GALNT14: variants seen among roughly 807,000 people sequenced by gnomAD.
GALNT14 encodes UDP-GalNAc:polypeptide N-acetylgalactosaminyltransferase 14.
A neutral mutation model predicts 77.5 loss-of-function variants in GALNT14; 60 were observed. The ratio of observed to expected loss-of-function variants is 0.77; its 90% CI spans 0.63 to 0.96. The LOEUF is 0.96. Among genes scored for constraint, GALNT14 ranks in the 40% least tolerant of loss-of-function variants. The pLI, the probability that GALNT14 is intolerant of heterozygous loss-of-function variation, is 0.00. For synonymous variants in GALNT14, 280 were observed against 281.7 expected, an observed-to-expected ratio of 0.99 and a Z score of 0.06; for missense variants, 710 against 731.0, an observed-to-expected ratio of 0.97 and a Z score of 0.33.
rs199792871 is a variant in GALNT14, at chr2:30,944,889, C to G, written c.796G>C (p.Ala266Pro). The change falls in exon 8 of 15, where the codon GCT (alanine) becomes CCT (proline). Residue 266 changes from alanine (A) to proline (P), a missense_variant. Transcript: ENST00000349752. ...GGCTCCGTGGGGTCCAGGCGCCGAG[C>G]CTTCTGCTCTGGGGAGAGCTGCTCC... The part of the protein sequence containing the change: ...QWEQLSPEQK[A>P]RRLDPTEPIR... 1.5e-5 allele frequency: 24 copies of G among 1,610,748 alleles called. No homozygotes were observed. The East Asian group carries it at 5.4e-4, about 36-fold the overall frequency.
At chr2:30,906,752 A>G (rs968110330), downstream of GALNT14, among the ~76,000 whole-genome samples, 1 of 152,212 alleles carries the variant, frequency 6.6e-6, no homozygotes, top group Non-Finnish European at 1.5e-5. Flanking sequence ...TCAACAGAAT[A>G]TACATTTTTT....
At chr2:30,946,063 C>T (rs535685652) in intron 6 of GALNT14, among the ~76,000 whole-genome samples, 193 bp from the exon 7 acceptor site, 4 of 152,224 alleles carry the variant, frequency 2.6e-5, no homozygotes, top group East Asian at 1.9e-4. Context: ...AGTTCTGATG[C>T]CTAAAATGCT....
chr2:31,084,260 A>G (rs1676301527), intron 1 of GALNT14, among the ~76,000 whole-genome samples: 1 of 152,218 alleles, frequency 6.6e-6, no homozygotes, highest in African/African-American at 2.4e-5. Flanking sequence ...AAGAGAGGTA[A>G]GCCTGGTCAA....
At chr2:31,135,743 G>T (rs1346193105) in intron 1 of GALNT14, among the ~76,000 whole-genome samples, 1 of 152,168 alleles carries the variant, frequency 6.6e-6, no homozygotes, top group African/African-American at 2.4e-5. Flanking sequence ...CCACTCATTT[G>T]TTGGTAATTC....
At position 30,911,044 on chromosome 2, in the gene GALNT14, C is replaced by A. The variant is rs1664329727; in HGVS notation, c.1516G>T (p.Gly506Cys). Residue 506 changes from glycine to cysteine, a missense_variant, in exon 15 of 15, where the codon GGT becomes TGT. Coordinates refer to ENST00000349752, the MANE Select transcript of GALNT14 (RefSeq NM_024572.4). ...GATGCTATGTGCTCGATGTGGGAAC[C>A]AGTTTTGGTCCATTGCTGGTAAGAC... ...GDDRQQWTKT[G>C]SHIEHIASHL... The A allele has an allele frequency of 6.2e-7, 1 of 1,613,682 alleles. No individual in the cohort carries two copies. Among genetic ancestry groups the A allele is most frequent in the Non-Finnish European group, 8.5e-7 (1 of 1,179,908 alleles).
chr2:30,996,687 G>A (rs760396472), intron 1 of GALNT14, among the ~76,000 whole-genome samples: 2 of 152,268 alleles, frequency 1.3e-5, no homozygotes, highest in African/African-American at 2.4e-5. Context: ...ACCATGTGCT[G>A]TGAGCTCTCC....
In GALNT14 at chr2:30,992,938, A is replaced by G; in HGVS notation, c.199T>C (p.Trp67Arg). ...DERRYLNAKK[W>R]RVGDDPYKLY... ...TTATAGGGGTCGTCACCAACGCGCC[A>G]CTTTTTGGCATTCAGATACCGCCGC... is the stretch of plus-strand genomic sequence containing the variant. The change falls in exon 2 of 15, where the codon TGG becomes CGG. Residue 67 changes from tryptophan (W) to arginine (R), a missense_variant. By Grantham distance (101) the Trp-to-Arg change is moderately radical (BLOSUM62 -3). Transcript: ENST00000349752. 6.2e-7 allele frequency: 1 copy of G among 1,614,128 alleles called. No individual in the cohort carries two copies. The highest frequency in any genetic ancestry group is 8.5e-7 in the Non-Finnish European group (1 of 1,180,010).
chr2:31,117,249 GCTC>G (rs1678154160), intron 1 of GALNT14, among the ~76,000 whole-genome samples: 1 of 152,086 alleles, frequency 6.6e-6, no homozygotes. Context: ...TGAGAAACAT[GCTC>G]CTACCTGAGT....
the GALNT14 span, among the ~76,000 whole-genome samples, chr2:30,899,863 G>A: frequency 7.0e-4 from 106 of 152,312 alleles, 1 homozygote; most frequent in African/African-American, 2.4e-3. Context: ...TGGATGATGC[G>A]GGAAAAGAGG....
downstream of GALNT14, among the ~76,000 whole-genome samples, chr2:30,905,473 G>A (rs548486090): frequency 6.6e-6 from 1 of 152,026 alleles, no homozygotes. Flanking sequence ...GATGGAAAAT[G>A]AAATGAATGA....
chr2:31,035,552 AATGTGTGTGTGTGTGT>A (rs1161986020), intron 1 of GALNT14, among the ~76,000 whole-genome samples: 3 of 103,290 alleles, frequency 2.9e-5, no homozygotes, highest in Non-Finnish European at 4.1e-5. Flanking sequence ...GGATAAAGAA[AATGTGTGTGTGTGTGT>A]ATGTGTGTGT....
chr2:31,059,034 G>C (rs970843037), intron 1 of GALNT14, among the ~76,000 whole-genome samples: 11 of 152,126 alleles, frequency 7.2e-5, no homozygotes, highest in Admixed American at 5.2e-4. Context: ...CTGCCTACCA[G>C]CCATTGAGTG....
intron 1 of GALNT14, among the ~76,000 whole-genome samples, chr2:31,056,856 G>T (rs552306176): frequency 6.6e-6 from 1 of 152,058 alleles, no homozygotes; most frequent in Non-Finnish European, 1.5e-5. Flanking sequence ...CACTACACAC[G>T]ATCGCAAACA....
intron 6 of GALNT14, among the ~76,000 whole-genome samples, chr2:30,950,754 A>T (rs1475761888): frequency 2.0e-5 from 3 of 152,260 alleles, no homozygotes; most frequent in Non-Finnish European, 4.4e-5. Flanking sequence ...GCAAGGACCC[A>T]GGAGCTTAGC....
intron 1 of GALNT14, among the ~76,000 whole-genome samples, chr2:31,067,739 T>C (rs942779495): frequency 6.6e-6 from 1 of 152,192 alleles, no homozygotes; most frequent in Non-Finnish European, 1.5e-5. Flanking sequence ...TCTACCACTA[T>C]CAGCTCACTT....
chr2:30,985,810 G>T (rs913818679), intron 2 of GALNT14, among the ~76,000 whole-genome samples: 7 of 152,164 alleles, frequency 4.6e-5, no homozygotes, highest in African/African-American at 1.7e-4. Context: ...ATCTGTGATG[G>T]GCTCCCCCTC....
chr2:31,001,783 T>C (rs1291627324), intron 1 of GALNT14, among the ~76,000 whole-genome samples: 5 of 151,486 alleles, frequency 3.3e-5, no homozygotes, highest in Non-Finnish European at 2.9e-5. Flanking sequence ...GTAGATAAAA[T>C]GTTTAAAATA....
chr2:30,954,604 G>C (rs1289907863), intron 6 of GALNT14, among the ~76,000 whole-genome samples: 1 of 152,226 alleles, frequency 6.6e-6, no homozygotes, highest in Non-Finnish European at 1.5e-5. Context: ...TATCTCATTG[G>C]AATGAACAAT....
intron 2 of GALNT14, among the ~76,000 whole-genome samples, chr2:30,974,392 C>T (rs758911668): frequency 2.6e-5 from 4 of 152,224 alleles, no homozygotes; most frequent in Non-Finnish European, 5.9e-5. Flanking sequence ...TCCAGAACTG[C>T]GTCTTTAACC....
Sources: gnomAD v4.1 joint callset for allele counts (sites outside exome capture counted in the v4.1 genomes callset) on GRCh38, gnomAD v4.1.1 for gene constraint, MANE v1.5 for transcripts, NCBI Gene and HGNC (gene_info 2026-07-23, HGNC 2026-07-21) for gene names.